NEK1: variants seen among roughly 807,000 people sequenced by gnomAD.
The protein encoded by NEK1 is NIMA related kinase 1, also known as serine/threonine-protein kinase Nek1.
In NEK1, 137 loss-of-function variants were observed where a neutral mutation model predicts 182.1. The observed-to-expected ratio is 0.75, with a 90% CI of 0.65 to 0.87. The LOEUF (loss-of-function observed/expected upper bound fraction) is 0.87, where lower values mean the gene tolerates loss of function less well. Among genes scored for constraint, NEK1 ranks in the 40% least tolerant of loss-of-function variants. NEK1 has a pLI of 0.00. For missense variants in NEK1, 1,391 were observed against 1,494.4 expected, an observed-to-expected ratio of 0.93 and a Z score of 1.14; for synonymous variants, 513 against 492.2, an observed-to-expected ratio of 1.04 and a Z score of -0.56.
chr4:169,497,083 C>G (rs1176704964), intron 23 of NEK1, among the ~76,000 whole-genome samples: 3 of 152,274 alleles, frequency 2.0e-5, no homozygotes, highest in Non-Finnish European at 4.4e-5. Flanking sequence ...AATTTCAGAG[C>G]CTGTTATTGG....
At chr4:169,506,220 T>G (rs994642475) in intron 23 of NEK1, among the ~76,000 whole-genome samples, 1 of 152,168 alleles carries the variant, frequency 6.6e-6, no homozygotes, top group African/African-American at 2.4e-5. Flanking sequence ...TAAAGCATAT[T>G]GTAAATAATT....
At chr4:169,544,399 G>T (rs1295621730) in intron 18 of NEK1, among the ~76,000 whole-genome samples, 1 of 152,110 alleles carries the variant, frequency 6.6e-6, no homozygotes, top group East Asian at 1.9e-4. Flanking sequence ...TCGCAACAAT[G>T]TTCATCAGGG....
At chr4:169,571,210 A>ATAAC (rs1289429229) in intron 12 of NEK1, among the ~76,000 whole-genome samples, 5 of 151,148 alleles carry the variant, frequency 3.3e-5, no homozygotes, top group African/African-American at 1.2e-4. Flanking sequence ...AAATAAATAA[A>ATAAC]TAAATAAATA....
chr4:169,438,709 C>T (rs1194140511), intron 27 of NEK1, among the ~76,000 whole-genome samples: 1 of 152,176 alleles, frequency 6.6e-6, no homozygotes, highest in African/African-American at 2.4e-5. Context: ...TTATTTACCA[C>T]CTTCTCACTC....
intron 26 of NEK1, among the ~76,000 whole-genome samples, chr4:169,467,428 C>A (rs1253100118): frequency 3.3e-5 from 5 of 152,010 alleles, no homozygotes; most frequent in Non-Finnish European, 7.4e-5. Flanking sequence ...TACAATAATA[C>A]ACTATAAACT....
intron 27 of NEK1, among the ~76,000 whole-genome samples, chr4:169,458,969 T>C (rs1346093815): frequency 6.6e-6 from 1 of 152,058 alleles, no homozygotes; most frequent in Non-Finnish European, 1.5e-5. Flanking sequence ...CAAAGGAATG[T>C]TCATTGGAGC....
chr4:169,447,423 A>C (rs1740783029), intron 27 of NEK1, among the ~76,000 whole-genome samples: 1 of 152,226 alleles, frequency 6.6e-6, no homozygotes, highest in South Asian at 2.1e-4. Context: ...GAGTTCTTTA[A>C]TATGAAAGAA....
At chr4:169,563,405 G>A (rs943124199) in intron 12 of NEK1, among the ~76,000 whole-genome samples, 1 of 151,780 alleles carries the variant, frequency 6.6e-6, no homozygotes, top group African/African-American at 2.4e-5. Context: ...GGGTTTGTGG[G>A]TAATTCTTTC....
chr4:169,408,130 A>G (rs1162610982), intron 31 of NEK1, among the ~76,000 whole-genome samples: 1 of 152,220 alleles, frequency 6.6e-6, no homozygotes, highest in East Asian at 1.9e-4. Context: ...AACAGCACAT[A>G]TGCATTATAT....
chr4:169,528,478 A>G (rs924254656), intron 19 of NEK1, among the ~76,000 whole-genome samples: 3 of 152,198 alleles, frequency 2.0e-5, no homozygotes, highest in Non-Finnish European at 4.4e-5. Context: ...TTTTTCCTCA[A>G]ATGAGCTTCT....
chr4:169,588,842 G>A, intron 7 of NEK1, 107 bp from the exon 8 acceptor site: 1 of 696,928 alleles, frequency 1.4e-6, no homozygotes. Context: ...GGTCCCATAA[G>A]ATTATAATGA....
At chr4:169,512,105 A>G (rs1754287229) in intron 19 of NEK1, among the ~76,000 whole-genome samples, 1 of 152,266 alleles carries the variant, frequency 6.6e-6, no homozygotes, top group South Asian at 2.1e-4. Flanking sequence ...AAGTGACAAC[A>G]AGTTTTCTTT....
chr4:169,512,688 C>A (rs1754387733), intron 19 of NEK1, among the ~76,000 whole-genome samples: 2 of 151,972 alleles, frequency 1.3e-5, no homozygotes, highest in South Asian at 4.1e-4. Flanking sequence ...TTGCCTAGTA[C>A]TAGGTCCCCA....
At chr4:169,575,669 T>A (rs1367125340) in intron 12 of NEK1, among the ~76,000 whole-genome samples, 2 of 152,200 alleles carry the variant, frequency 1.3e-5, no homozygotes, top group Non-Finnish European at 2.9e-5. Flanking sequence ...TACATTCTAC[T>A]GACACTCCAG....
chr4:169,499,673 A>G (rs1418032018), intron 23 of NEK1, among the ~76,000 whole-genome samples: 2 of 152,162 alleles, frequency 1.3e-5, no homozygotes, highest in Non-Finnish European at 2.9e-5. Flanking sequence ...TCCACTCCAG[A>G]CCGTTTGCCT....
Position 169,612,281 on chromosome 4 carries a change from C to A in NEK1, c.-232G>T, listed in dbSNP as rs1410601014. ...ACTCCGTCCTGTCTCGGGCGACGCC[C>A]GTAAGACAGGTCGACACTACCCCGA... On this transcript the variant is annotated 5_prime_UTR_variant, in exon 1 of 36. Transcript: ENST00000507142. The A allele has an allele frequency of 3.3e-5, 5 of 152,262 alleles. No homozygotes were observed. Among genetic ancestry groups the A allele is most frequent in the Non-Finnish European group, 5.9e-5 (4 of 68,086 alleles). 9.4% of individuals were successfully genotyped at this position (152,262 alleles called of 1,614,324 possible). A position where few individuals can be genotyped will look rare whatever the true frequency, so the allele number is the denominator to read the frequency against.
chr4:169,458,180 A>G (rs1658728844), intron 27 of NEK1, among the ~76,000 whole-genome samples: 1 of 152,172 alleles, frequency 6.6e-6, no homozygotes, highest in Non-Finnish European at 1.5e-5. Flanking sequence ...TAATCAGGAT[A>G]CTGGGGTACT....
At chr4:169,568,228 ATC>A (rs1764037697) in intron 12 of NEK1, among the ~76,000 whole-genome samples, 1 of 152,116 alleles carries the variant, frequency 6.6e-6, no homozygotes, top group African/African-American at 2.4e-5. Flanking sequence ...CCAACTTCCC[ATC>A]TCTCTCTACC....
chr4:169,552,061 A>G (rs780165373), intron 18 of NEK1, among the ~76,000 whole-genome samples: 60 of 152,170 alleles, frequency 3.9e-4, no homozygotes, highest in Non-Finnish European at 7.2e-4. Context: ...CTGAAGAACA[A>G]AGACAATAGT....
Sources: allele counts gnomAD v4.1 joint callset (sites outside exome capture counted in the v4.1 genomes callset), GRCh38; gene constraint gnomAD v4.1.1; transcripts MANE v1.5; gene names NCBI Gene and HGNC (gene_info 2026-07-23, HGNC 2026-07-21).